The following DNAAF4 variants were observed in gnomAD, a reference collection of about 807,000 sequenced individuals.
The protein encoded by DNAAF4 is dynein axonemal assembly factor 4.
In DNAAF4, 43 loss-of-function variants were observed where a neutral mutation model predicts 51.8. That is an observed-to-expected ratio of 0.83 (90% CI 0.65 to 1.07). The LOEUF (loss-of-function observed/expected upper bound fraction) is 1.07, where lower values mean the gene tolerates loss of function less well. Among genes scored for constraint, DNAAF4 ranks in the 50% least tolerant of loss-of-function variants. The pLI, the probability that DNAAF4 is intolerant of heterozygous loss-of-function variation, is 0.00. For missense variants in DNAAF4, 581 were observed against 493.0 expected (o/e 1.18, Z -1.69); for synonymous variants, 194 against 165.6 (o/e 1.17, Z -1.32).
intron 5 of DNAAF4, among the ~76,000 whole-genome samples, chr15:55,455,787 A>G (rs568252332): frequency 5.3e-5 from 8 of 152,248 alleles, no homozygotes; most frequent in African/African-American, 1.9e-4. Context: ...AAGACATATG[A>G]CCTGGTGGAA....
At chr15:55,457,872 C>T (rs965830944) in intron 5 of DNAAF4, among the ~76,000 whole-genome samples, 1 of 152,176 alleles carries the variant, frequency 6.6e-6, no homozygotes, top group Non-Finnish European at 1.5e-5. Flanking sequence ...CATCACAGGG[C>T]TCTTTGCAGA....
chr15:55,425,877 G>T (rs1227772675), downstream of DNAAF4, among the ~76,000 whole-genome samples: 1 of 152,160 alleles, frequency 6.6e-6, no homozygotes, highest in African/African-American at 2.4e-5. Context: ...CTGCCCAATG[G>T]GTTGACCTTG....
At chr15:55,426,662 C>G (rs191935909), downstream of DNAAF4, among the ~76,000 whole-genome samples, 47 of 152,232 alleles carry the variant, frequency 3.1e-4, no homozygotes, top group African/African-American at 1.1e-3. Context: ...TCAGGTGATC[C>G]GCCCATCTCA....
intron 5 of DNAAF4, among the ~76,000 whole-genome samples, chr15:55,455,818 A>C (rs1317649518): frequency 2.0e-5 from 3 of 152,122 alleles, no homozygotes; most frequent in Non-Finnish European, 4.4e-5. Flanking sequence ...TTTCAGATGC[A>C]GACCAGATCT....
chr15:55,457,356 T>C (rs2058034946), intron 5 of DNAAF4, among the ~76,000 whole-genome samples: 1 of 151,950 alleles, frequency 6.6e-6, no homozygotes, highest in African/African-American at 2.4e-5. Flanking sequence ...CATAATTCCA[T>C]TGGCCTGAGA....
chr15:55,492,214 C>CGTT (rs10670130), intron 3 of DNAAF4, among the ~76,000 whole-genome samples: 88,422 of 150,514 alleles, frequency 0.59, 27,311 homozygotes, highest in African/African-American at 0.77. Context: ...AGACTACGAT[C>CGTT]AATGGGTAAA....
intron 4 of DNAAF4, among the ~76,000 whole-genome samples, chr15:55,473,852 C>T (rs563950947): frequency 6.6e-6 from 1 of 151,914 alleles, no homozygotes; most frequent in East Asian, 1.9e-4. Context: ...ATTAGCTGGG[C>T]GTGGTGGCAC....
chr15:55,444,889 T>A (rs1166643134), intron 6 of DNAAF4, among the ~76,000 whole-genome samples: 1 of 152,164 alleles, frequency 6.6e-6, no homozygotes, highest in East Asian at 1.9e-4. Flanking sequence ...TTTCTGCACA[T>A]TGATTTTGTA....
chr15:55,506,490 C>G (rs1009863831), intron 1 of DNAAF4, among the ~76,000 whole-genome samples: 5 of 152,168 alleles, frequency 3.3e-5, no homozygotes, highest in African/African-American at 1.2e-4. Flanking sequence ...CATCCACCCT[C>G]TTAATTCTAG....
intron 8 of DNAAF4, among the ~76,000 whole-genome samples, chr15:55,433,858 A>ATATTAT (rs1567000285): frequency 2.2e-5 from 1 of 45,090 alleles, no homozygotes; most frequent in African/African-American, 7.9e-5. Flanking sequence ...TATATATTAT[A>ATATTAT]ATATATATTA....
chr15:55,502,969 A>T lies in DNAAF4; in HGVS notation c.-255-4385T>A, dbSNP rs190760315. 1.4e-3 allele frequency among the ~76,000 whole-genome samples: 220 copies of T among 152,344 alleles called. 1 individual carries two copies. Among genetic ancestry groups the T allele is most frequent in the Non-Finnish European group, 2.5e-3 (168 of 68,038 alleles). On this transcript the variant is annotated intron_variant, in intron 1 of 9. Transcript: ENST00000321149. Reference sequence around the variant, plus strand: ...AGAGACACAAAAAACCATTCAAAAAAATCAGTGAATCCAGCAGCTGGTTTT... The same window carrying T: ...AGAGACACAAAAAACCATTCAAAAATATCAGTGAATCCAGCAGCTGGTTTT...
At chr15:55,446,974 CCCCA>C (rs1436093631) in intron 6 of DNAAF4, among the ~76,000 whole-genome samples, 19 of 144,028 alleles carry the variant, frequency 1.3e-4, no homozygotes, top group East Asian at 6.5e-4. Flanking sequence ...CAGAGGCGCT[CCCCA>C]CTTCCCAGAC....
chr15:55,433,742 TTTG>T (rs1387041345), intron 8 of DNAAF4, among the ~76,000 whole-genome samples: 2 of 126,266 alleles, frequency 1.6e-5, no homozygotes, highest in Non-Finnish European at 3.2e-5. Flanking sequence ...TATATAATTA[TTTG>T]TTTTTTATAT....
rs180868603 is a variant in DNAAF4 at position 55,421,051 on chromosome 15, G to T, written c.1048-2918C>A. 3.8e-3 allele frequency among the ~76,000 whole-genome samples: 573 copies of T among 151,962 alleles called. 8 individuals are homozygous for T. Among genetic ancestry groups the T allele is most frequent in the East Asian group, 0.034 (178 of 5,164 alleles). On this transcript the variant is annotated intron_variant, in intron 7 of 7. Transcript: ENST00000448430. ...TAAAAATACAAAAAATTAGCCAGGC[G>T]TGGTGGTGTGTGCCTATAGTCCCAG...
Position 55,433,924 on chromosome 15 carries a change from T to TGTA in DNAAF4, c.1047+980_1047+981insTAC, listed in dbSNP as rs1567000505. On this transcript the variant is annotated intron_variant, in intron 8 of 9. Transcript: ENST00000321149. ...ATATATTATATATAATTATATATAT[T>TGTA]ATATTATATAAAATATATATAATAT... is the stretch of plus-strand genomic sequence containing the variant. Among the ~76,000 whole-genome samples the TGTA allele has an allele frequency of 6.3e-3, 224 of 35,434 alleles. 9 individuals carry two copies. The highest frequency in any genetic ancestry group is 0.02 in the African/African-American group (217 of 10,630). 23.2% of individuals were successfully genotyped at this position (35,434 alleles called of 152,430 possible).
chr15:55,483,833 CTTTTTTTTT>C (rs71105887), intron 4 of DNAAF4, among the ~76,000 whole-genome samples: 1,437 of 82,510 alleles, frequency 0.017, 101 homozygotes, highest in African/African-American at 0.055. Flanking sequence ...GCCAATAAAG[CTTTTTTTTT>C]TTTTTTTTTT....
rs561411498 is a variant in DNAAF4, at chr15:55,501,431, A to T, written c.-255-2847T>A. Among the ~76,000 whole-genome samples, 165 of 143,030 alleles carry T rather than the reference A, an allele frequency of 1.2e-3. 2 individuals carry two copies. The highest frequency in any genetic ancestry group is 4.2e-3 in the African/African-American group (160 of 38,110). The allele number at this position is 143,030 out of a possible 152,430, so 93.8% of individuals were successfully genotyped here. A position where few individuals can be genotyped will look rare whatever the true frequency, so the allele number is the denominator to read the frequency against. On this transcript the variant is annotated intron_variant, in intron 1 of 9. Transcript: ENST00000321149. ...CGCTCTTTCGCCCAGGCTGGAGTGC[A>T]GTGGCGCTATCTCGGCTCACTGCAA...
downstream of DNAAF4, among the ~76,000 whole-genome samples, chr15:55,428,644 G>GCCA (rs944280791): frequency 2.0e-5 from 3 of 151,154 alleles, no homozygotes; most frequent in African/African-American, 7.3e-5. Flanking sequence ...ACAGGCGCCT[G>GCCA]CCACCACGCC....
intron 7 of DNAAF4, 85 bp downstream of exon 7, chr15:55,439,387 G>C: frequency 3.4e-6 from 4 of 1,185,974 alleles, no homozygotes; most frequent in Non-Finnish European, 4.9e-6. Flanking sequence ...TGGGATTACA[G>C]GCATGAGCCA....
Sources: allele counts gnomAD v4.1 joint callset (sites outside exome capture counted in the v4.1 genomes callset), GRCh38; gene constraint gnomAD v4.1.1; transcripts MANE v1.5; gene names NCBI Gene and HGNC (gene_info 2026-07-23, HGNC 2026-07-21).